Variants in CBFA2T2 observed in about 807,000 individuals in gnomAD.
CBFA2T2 encodes the protein CBFA2/RUNX1 partner transcriptional co-repressor 2.
In CBFA2T2, 11 loss-of-function variants were observed where a neutral mutation model predicts 62.2. The ratio of observed to expected loss-of-function variants is 0.18; its 90% CI spans 0.11 to 0.29. The LOEUF (loss-of-function observed/expected upper bound fraction) is 0.29, where lower values mean the gene tolerates loss of function less well. Among genes scored for constraint, CBFA2T2 ranks in the 10% least tolerant of loss-of-function variants. CBFA2T2 has a pLI of 1.00. For missense variants in CBFA2T2, 592 were observed against 774.1 expected (o/e 0.76, Z 2.79); for synonymous variants, 295 against 287.5 (o/e 1.03, Z -0.27).
At chr20:33,548,233 GTTTTTA>G (rs1290594512) in intron 1 of CBFA2T2, among the ~76,000 whole-genome samples, 4 of 151,490 alleles carry the variant, frequency 2.6e-5, no homozygotes, top group African/African-American at 9.7e-5. Flanking sequence ...AGTACTGGGA[GTTTTTA>G]TTTTTATTTT....
intron 1 of CBFA2T2, among the ~76,000 whole-genome samples, chr20:33,499,280 C>G (rs1341046950): frequency 6.6e-6 from 1 of 152,174 alleles, no homozygotes; most frequent in Non-Finnish European, 1.5e-5. Context: ...ATTTTGTTCT[C>G]ATTCCTTAGA....
chr20:33,500,772 T>C (rs1462863049), intron 1 of CBFA2T2, among the ~76,000 whole-genome samples: 5 of 152,150 alleles, frequency 3.3e-5, no homozygotes, highest in African/African-American at 4.8e-5. Flanking sequence ...GATTTAAAGA[T>C]AGCTATATGA....
At chr20:33,574,148 T>G (rs1222076024) in intron 1 of CBFA2T2, 1 of 1,602,876 alleles carries the variant, frequency 6.2e-7, no homozygotes. Context: ...CAATCCTGAC[T>G]GTACCTGTGA....
intron 1 of CBFA2T2, among the ~76,000 whole-genome samples, chr20:33,599,461 A>G (rs2015029241): frequency 6.6e-6 from 1 of 152,228 alleles, no homozygotes; most frequent in African/African-American, 2.4e-5. Context: ...GTATATGTAT[A>G]AACATGGAAT....
intron 2 of CBFA2T2, among the ~76,000 whole-genome samples, chr20:33,608,008 T>TA (rs1199131891): frequency 1.3e-5 from 2 of 152,242 alleles, no homozygotes; most frequent in African/African-American, 4.8e-5. Context: ...GGTGAGGATG[T>TA]ATGGAGCAAC....
At chr20:33,588,221 A>G (rs537342514) in intron 1 of CBFA2T2, among the ~76,000 whole-genome samples, 1 of 152,232 alleles carries the variant, frequency 6.6e-6, no homozygotes, top group South Asian at 2.1e-4. Flanking sequence ...TGTGTATGGT[A>G]TGTAGCTATT....
At chr20:33,574,170 T>C (rs1171616147) in intron 1 of CBFA2T2, 1 of 1,611,222 alleles carries the variant, frequency 6.2e-7, no homozygotes, top group Non-Finnish European at 8.5e-7. Flanking sequence ...GTTGCATTCA[T>C]CTTTTGGAAC....
At chr20:33,542,262 A>C (rs1396657026) in intron 1 of CBFA2T2, among the ~76,000 whole-genome samples, 1 of 152,132 alleles carries the variant, frequency 6.6e-6, no homozygotes, top group Non-Finnish European at 1.5e-5. Flanking sequence ...CTGAGTGGTT[A>C]AGTCAGTGAT....
intron 3 of CBFA2T2, among the ~76,000 whole-genome samples, chr20:33,616,895 A>G (rs999609375): frequency 6.6e-6 from 1 of 152,162 alleles, no homozygotes; most frequent in Non-Finnish European, 1.5e-5. Flanking sequence ...AGTTTCCTCA[A>G]GGACAACACT....
Position 33,649,360 on chromosome 20 carries a change from G to A in CBFA2T2, c.*4714G>A, listed in dbSNP as rs910238354. On this transcript the variant is annotated 3_prime_UTR_variant, in exon 11 of 11. Coordinates refer to ENST00000342704, the MANE Select transcript of CBFA2T2 (RefSeq NM_001032999.3). Reference sequence around the variant, plus strand: ...CAACTCTGGAGTGTCTGTAGTTCTTGTGAAACCAAAACGTTGACTACCTGC... The same window carrying A: ...CAACTCTGGAGTGTCTGTAGTTCTTATGAAACCAAAACGTTGACTACCTGC... The A allele has an allele frequency of 8.8e-4, 134 of 152,764 alleles. No homozygotes were observed. Among genetic ancestry groups the A allele is most frequent in the African/African-American group, 2.6e-3 (108 of 41,576 alleles). The allele number at this position is 152,764 out of a possible 1,614,324, so 9.5% of individuals were successfully genotyped here.
At chr20:33,605,668 C>T (rs1295449724) in intron 1 of CBFA2T2, among the ~76,000 whole-genome samples, 1 of 152,166 alleles carries the variant, frequency 6.6e-6, no homozygotes, top group Non-Finnish European at 1.5e-5. Flanking sequence ...GTAGCCTCTG[C>T]TTCATGTAGA....
At chr20:33,593,842 C>G (rs1160567299) in intron 1 of CBFA2T2, among the ~76,000 whole-genome samples, 1 of 152,182 alleles carries the variant, frequency 6.6e-6, no homozygotes, top group Non-Finnish European at 1.5e-5. Flanking sequence ...ATTGTTTTGA[C>G]CTTTCCCCTT....
chr20:33,602,700 G>A (rs761312655), intron 1 of CBFA2T2, among the ~76,000 whole-genome samples: 6 of 152,082 alleles, frequency 3.9e-5, no homozygotes, highest in Non-Finnish European at 8.8e-5. Context: ...GAGCACAAAC[G>A]TCTTTTTCCT....
intron 1 of CBFA2T2, among the ~76,000 whole-genome samples, chr20:33,559,555 TG>T (rs2013021676): frequency 6.6e-6 from 1 of 152,118 alleles, no homozygotes; most frequent in Non-Finnish European, 1.5e-5. Context: ...GGCATGATCT[TG>T]GCTCACTGTA....
At chr20:33,524,376 C>T (rs2011823567) in intron 1 of CBFA2T2, among the ~76,000 whole-genome samples, 1 of 151,934 alleles carries the variant, frequency 6.6e-6, no homozygotes, top group African/African-American at 2.4e-5. Context: ...ATTCCAGAAT[C>T]AGAGTTTGAA....
chr20:33,500,014 A>C (rs1393191619), intron 1 of CBFA2T2, among the ~76,000 whole-genome samples: 2 of 151,952 alleles, frequency 1.3e-5, no homozygotes, highest in Admixed American at 6.6e-5. Context: ...GGCTGAGTGC[A>C]GTGGTGTGAT....
chr20:33,607,990 C>G (rs1482969215), intron 2 of CBFA2T2, among the ~76,000 whole-genome samples: 1 of 152,160 alleles, frequency 6.6e-6, no homozygotes, highest in East Asian at 1.9e-4. Flanking sequence ...AAAATGATAC[C>G]AAGTTTTGGT....
chr20:33,547,636 G>A (rs1182007126), intron 1 of CBFA2T2, among the ~76,000 whole-genome samples: 1 of 151,664 alleles, frequency 6.6e-6, no homozygotes, highest in African/African-American at 2.4e-5. Context: ...AGCTATGATT[G>A]CACCCCTGCA....
At chr20:33,575,462 A>G (rs2013776773) in intron 1 of CBFA2T2, among the ~76,000 whole-genome samples, 1 of 152,240 alleles carries the variant, frequency 6.6e-6, no homozygotes, top group African/African-American at 2.4e-5. Context: ...GTAAACTGAT[A>G]ATCATTCTTC....
Sources: allele counts gnomAD v4.1 joint callset (sites outside exome capture counted in the v4.1 genomes callset), GRCh38; gene constraint gnomAD v4.1.1; transcripts MANE v1.5; gene names NCBI Gene and HGNC (gene_info 2026-07-23, HGNC 2026-07-21).